POGZ: variants seen among roughly 807,000 people sequenced by gnomAD.
POGZ encodes pogo transposable element with ZNF domain.
Under a neutral mutation model 134.6 loss-of-function variants are expected in POGZ, and 17 were observed. The ratio of observed to expected loss-of-function variants is 0.13; its 90% CI spans 0.09 to 0.19. The LOEUF (loss-of-function observed/expected upper bound fraction) is 0.19, where lower values mean the gene tolerates loss of function less well. Among genes scored for constraint, POGZ ranks in the 10% least tolerant of loss-of-function variants. The probability of loss-of-function intolerance (pLI) is 1.00; values close to 1 mark genes in which losing one functional copy is unlikely to be tolerated. For synonymous variants in POGZ, 693 were observed against 657.1 expected, an observed-to-expected ratio of 1.05 and a Z score of -0.84; for missense variants, 1,306 against 1,769.7, an observed-to-expected ratio of 0.74 and a Z score of 4.70.
At chr1:151,420,955 A>G (rs962002466) in intron 10 of POGZ, among the ~76,000 whole-genome samples, 2 of 149,098 alleles carry the variant, frequency 1.3e-5, no homozygotes, top group African/African-American at 4.9e-5. Flanking sequence ...GAAACCTCAG[A>G]TAGTATTGAA....
chr1:151,435,283 ATTAG>A (rs1571498110), intron 3 of POGZ, among the ~76,000 whole-genome samples: 2 of 152,222 alleles, frequency 1.3e-5, no homozygotes, highest in African/African-American at 4.8e-5. Context: ...GAAAACCATA[ATTAG>A]TTATACTGTA....
At chr1:151,413,650 A>G (rs971342181) in intron 10 of POGZ, among the ~76,000 whole-genome samples, 3 of 150,804 alleles carry the variant, frequency 2.0e-5, no homozygotes, top group African/African-American at 7.3e-5. Flanking sequence ...AAGTTGAAAT[A>G]ATTCTTTTTT....
rs571341709 is a variant in POGZ, at chr1:151,402,907, G to A, written c.*1895C>T. 4 of 152,760 alleles carry A rather than the reference G, an allele frequency of 2.6e-5. No individual in the cohort carries two copies. The highest frequency in any genetic ancestry group is 9.6e-5 in the African/African-American group (4 of 41,574). 9.5% of individuals were successfully genotyped at this position (152,760 alleles called of 1,614,324 possible). On this transcript the variant is annotated 3_prime_UTR_variant, in exon 19 of 19. Transcript: ENST00000271715. Reference sequence around the variant, plus strand: ...ATTACCCATCAAGAAAGTCAATCGTGTGCAGAAGACAGGAACCCCAGCTCT... The same window carrying A: ...ATTACCCATCAAGAAAGTCAATCGTATGCAGAAGACAGGAACCCCAGCTCT...
At chr1:151,456,425 ATT>A in intron 1 of POGZ, among the ~76,000 whole-genome samples, 1 of 152,282 alleles carries the variant, frequency 6.6e-6, no homozygotes, top group South Asian at 2.1e-4. Context: ...AGCTCACTTC[ATT>A]TTCAAGAAAT....
intron 3 of POGZ, 144 bp downstream of exon 3, chr1:151,440,784 T>C (rs1660403946): frequency 1.6e-6 from 1 of 643,248 alleles, no homozygotes; most frequent in Non-Finnish European, 2.7e-6. Context: ...ATCACTTCCG[T>C]ATCAGAGAAT....
At chr1:151,426,252 T>A (rs1390878012) in intron 7 of POGZ, 2 of 151,806 alleles carry the variant, frequency 1.3e-5, no homozygotes, top group African/African-American at 4.8e-5. Flanking sequence ...AGTGGCACAA[T>A]CTCGACTCAC....
intron 10 of POGZ, among the ~76,000 whole-genome samples, chr1:151,416,210 C>CAAAAAAAA (rs1212371839): frequency 8.2e-3 from 321 of 39,030 alleles, no homozygotes; most frequent in Non-Finnish European, 0.01. Context: ...AACTCCATCT[C>CAAAAAAAA]AAAAAAAAAA....
chr1:151,455,127 T>C (rs1344117609), intron 1 of POGZ: 1 of 150,974 alleles, frequency 6.6e-6, no homozygotes, highest in Non-Finnish European at 1.5e-5. Flanking sequence ...AAAAGACAAG[T>C]TTTTGTGAAT....
rs765232832 is a variant in POGZ at position 151,428,333 on chromosome 1, T to C, written c.649A>G (p.Thr217Ala). Residue 217 changes from threonine to alanine, a missense_variant, in exon 6 of 19, where the codon ACA becomes GCA. By Grantham distance (58) the Thr-to-Ala change is moderately conservative (BLOSUM62 0). This residue lies in a region of POGZ where 541 missense variants were observed against 680.5 expected (regional missense o/e 0.80). Coordinates refer to ENST00000271715, the MANE Select transcript of POGZ (RefSeq NM_015100.4). ...SQMTPVRPGS[T>A]MPVRPTTNTF... ...TTGGTGGTGGGCCTCACAGGCATTG[T>C]GGAGCCTGGCCTCACAGGGGTCATC... The C allele has an allele frequency of 5.0e-6, 8 of 1,613,882 alleles. No individual in the cohort carries two copies. The South Asian group carries it at 7.7e-5, about 16-fold the overall frequency.
intron 10 of POGZ, among the ~76,000 whole-genome samples, chr1:151,421,425 A>G (rs1656892503): frequency 1.3e-5 from 2 of 151,962 alleles, no homozygotes; most frequent in African/African-American, 4.8e-5. Context: ...AATTAAAATT[A>G]CTCATGAAGC....
At chr1:151,457,541 G>A (rs1662916796) in intron 1 of POGZ, among the ~76,000 whole-genome samples, 1 of 152,210 alleles carries the variant, frequency 6.6e-6, no homozygotes, top group South Asian at 2.1e-4. Flanking sequence ...CTCAGACCCT[G>A]AGCAATAGTG....
chr1:151,456,503 T>G (rs1421504130), intron 1 of POGZ, among the ~76,000 whole-genome samples: 1 of 152,190 alleles, frequency 6.6e-6, no homozygotes, highest in East Asian at 1.9e-4. Context: ...AAAATGCTAC[T>G]CCATGAAATA....
At position 151,405,819 on chromosome 1, in the gene POGZ, A is replaced by G; in HGVS notation, c.3216T>C (p.Ala1072=). Residue 1072 remains alanine (A), a synonymous_variant, in exon 19 of 19, where the codon GCT becomes GCC. Transcript: ENST00000271715. This position sits in a 1 kb window ranked among gnomAD's most constrained non-coding sequence, Gnocchi z 4.9. ...GGTGGTGCCGCAGCATGAAACGCAC[A>G]GCCCACTCATAGGAGATCTTAAACC... ...EGGFKISYEW[A]VRFMLRHHLT... The G allele has an allele frequency of 6.2e-7, 1 of 1,614,182 alleles. No individual in the cohort carries two copies. Among genetic ancestry groups the G allele is most frequent in the Non-Finnish European group, 8.5e-7 (1 of 1,180,028 alleles).
chr1:151,427,398 T>G (rs1052725801), intron 7 of POGZ: 8 of 197,784 alleles, frequency 4.0e-5, no homozygotes, highest in South Asian at 3.5e-4. Context: ...CTATATATTG[T>G]GCACAAAGCC....
At position 151,418,308 on chromosome 1, in the gene POGZ, GA is replaced by G. The variant is rs1327079823; in HGVS notation, c.1678+5088del. Among the ~76,000 whole-genome samples, 3 of 152,060 alleles carry G rather than the reference GA, an allele frequency of 2.0e-5. No individual in the cohort carries two copies. In the East Asian group the frequency reaches 5.8e-4, roughly 29 times the overall value. On this transcript the variant is annotated intron_variant, in intron 10 of 18. Transcript: ENST00000271715. ...GTCATGCAGCACATGGTTAGAACTGGAAGTCCCTAAGTGAAGTAAGCCAAGC... is the reference window on the plus strand; with the variant it reads ...GTCATGCAGCACATGGTTAGAACTGGAGTCCCTAAGTGAAGTAAGCCAAGC...
At position 151,403,371 on chromosome 1, in the gene POGZ, T is replaced by C. The variant is rs1245277877; in HGVS notation, c.*1431A>G. On this transcript the variant is annotated 3_prime_UTR_variant, in exon 19 of 19. Coordinates refer to ENST00000271715, the MANE Select transcript of POGZ (RefSeq NM_015100.4). Reference sequence around the variant, plus strand: ...AAGTTTATAAATCCATTTCCCCTCATTTTATTAAATGTTCCACTTATGTAC... The same window carrying C: ...AAGTTTATAAATCCATTTCCCCTCACTTTATTAAATGTTCCACTTATGTAC... The C allele has an allele frequency of 2.6e-5, 26 of 985,498 alleles. No individual in the cohort carries two copies. The highest frequency in any genetic ancestry group is 3.1e-5 in the Non-Finnish European group (26 of 829,738). The allele number at this position is 985,498 out of a possible 1,614,324, so 61.0% of individuals were successfully genotyped here. A position where few individuals can be genotyped will look rare whatever the true frequency, so the allele number is the denominator to read the frequency against.
At chr1:151,428,609 A>AT (rs1658160505) in intron 5 of POGZ, among the ~76,000 whole-genome samples, 196 bp from the exon 6 acceptor site, 1 of 152,186 alleles carries the variant, frequency 6.6e-6, no homozygotes, top group Admixed American at 6.5e-5. Flanking sequence ...GCCTAAAAAC[A>AT]TTAAGTTAAA....
intron 5 of POGZ, among the ~76,000 whole-genome samples, chr1:151,428,939 G>T (rs142007903): frequency 6.6e-6 from 1 of 152,144 alleles, no homozygotes; most frequent in Admixed American, 6.5e-5. Context: ...AAGCTGGTCA[G>T]ACTTAAACCC....
intron 10 of POGZ, among the ~76,000 whole-genome samples, chr1:151,413,146 T>C (rs1160970818): frequency 6.9e-6 from 1 of 145,542 alleles, no homozygotes; most frequent in African/African-American, 2.6e-5. Context: ...ATCTCACTGT[T>C]GCTCAGGCTG....
Sources: gnomAD v4.1 joint callset for allele counts (sites outside exome capture counted in the v4.1 genomes callset) on GRCh38, gnomAD v4.1.1 for gene constraint, gnomAD v4.1.1 regional missense constraint, Gnocchi (gnomAD v3.1) non-coding constraint, MANE v1.5 for transcripts, NCBI Gene and HGNC (gene_info 2026-07-23, HGNC 2026-07-21) for gene names.